SYNRG: variants seen among roughly 807,000 people sequenced by gnomAD.
The protein encoded by SYNRG is AP1 gamma subunit binding protein 1.
In SYNRG, 37 loss-of-function variants were observed where a neutral mutation model predicts 130.9. The ratio of observed to expected loss-of-function variants is 0.28; its 90% CI spans 0.22 to 0.37. The LOEUF is 0.37. Ranked by LOEUF, SYNRG falls within the 10% of genes least tolerant of loss-of-function variation. SYNRG has a pLI of 1.00. For missense variants in SYNRG, 1,338 were observed against 1,588.9 expected (o/e 0.84, Z 2.68); for synonymous variants, 539 against 568.1 (o/e 0.95, Z 0.73).
intron 17 of SYNRG, 41 bp downstream of exon 17, chr17:37,539,151 G>A: frequency 5.0e-6 from 8 of 1,607,822 alleles, no homozygotes; most frequent in Non-Finnish European, 6.8e-6. Flanking sequence ...AGGCACAAAA[G>A]AGCACTCACA....
Position 37,568,793 on chromosome 17 carries a change from G to T in SYNRG, c.1479C>A (p.Asn493Lys). 2.5e-6 allele frequency: 4 copies of T among 1,613,710 alleles called. No homozygotes were observed. Among genetic ancestry groups the T allele is most frequent in the Middle Eastern group, 1.7e-4 (1 of 6,056 alleles). The stretch of plus-strand genomic sequence containing the variant: ...AAATATATTAAACTCTTTTCTACCT[G>T]TTTCCATGCTGGGAGTTACTTGTTT... ...SSKTSNSQHG[N>K]SAPSLLMPLP... The change falls in exon 11 of 22, where the codon AAC becomes AAA. Residue 493 changes from asparagine (N) to lysine (K), a missense_variant and splice_region_variant. Around this residue, in one of 3 missense-constraint regions of SYNRG, gnomAD observed 1,146 missense variants for 1,342.3 expected, o/e 0.85. Coordinates refer to ENST00000612223, the MANE Select transcript of SYNRG (RefSeq NM_007247.6).
Position 37,568,932 on chromosome 17 carries a change from T to C in SYNRG, c.1348-8A>G. On this transcript the variant is annotated splice_polypyrimidine_tract_variant and splice_region_variant and intron_variant, in intron 10 of 21. Transcript: ENST00000612223. ...TTCTTCTGGCTTTACTACCTAGGTT[T>C]ATAAAGGTCATTTAAATAAATAGCA... is the stretch of plus-strand genomic sequence containing the variant. 6.2e-7 allele frequency: 1 copy of C among 1,606,970 alleles called. No individual in the cohort carries two copies. Among genetic ancestry groups the C allele is most frequent in the South Asian group, 1.1e-5 (1 of 89,360 alleles).
At chr17:37,575,978 A>G (rs899910575) in intron 8 of SYNRG, among the ~76,000 whole-genome samples, 3 of 152,182 alleles carry the variant, frequency 2.0e-5, no homozygotes, top group African/African-American at 7.2e-5. Flanking sequence ...ATATAAACTA[A>G]GAATTCAGAA....
At chr17:37,554,117 C>T in intron 13 of SYNRG, 58 bp from the exon 14 acceptor site, 1 of 1,482,232 alleles carries the variant, frequency 6.7e-7, no homozygotes. Context: ...CCATATAATA[C>T]ACAGTATATT....
intron 11 of SYNRG, among the ~76,000 whole-genome samples, chr17:37,566,155 G>C (rs923467622): frequency 3.4e-4 from 52 of 152,064 alleles, no homozygotes; most frequent in Admixed American, 5.9e-4. Flanking sequence ...TCATTGAGAA[G>C]GGGCCAGGAT....
chr17:37,578,067 C>G (rs944290223), intron 6 of SYNRG, among the ~76,000 whole-genome samples: 4 of 151,868 alleles, frequency 2.6e-5, no homozygotes, highest in Admixed American at 2.0e-4. Flanking sequence ...CACCATGGCT[C>G]AAGCCTGTAA....
chr17:37,558,719 C>A (rs1273381271), intron 13 of SYNRG, among the ~76,000 whole-genome samples: 2 of 152,176 alleles, frequency 1.3e-5, no homozygotes, highest in Non-Finnish European at 2.9e-5. Flanking sequence ...ACTGATCACT[C>A]ATTCTTACTG....
At chr17:37,558,520 C>G (rs1242841780) in intron 13 of SYNRG, among the ~76,000 whole-genome samples, 2 of 152,176 alleles carry the variant, frequency 1.3e-5, no homozygotes. Context: ...ACAAACATAA[C>G]TTTCAGTTTT....
intron 13 of SYNRG, among the ~76,000 whole-genome samples, chr17:37,559,472 C>T (rs919786929): frequency 2.0e-5 from 3 of 152,126 alleles, no homozygotes; most frequent in Non-Finnish European, 4.4e-5. Context: ...GGCAGATCAC[C>T]TGAGGTCAGG....
At chr17:37,528,423 C>T (rs1167298417) in intron 19 of SYNRG, among the ~76,000 whole-genome samples, 1 of 152,056 alleles carries the variant, frequency 6.6e-6, no homozygotes, top group Non-Finnish European at 1.5e-5. Flanking sequence ...TCGGCAGGCC[C>T]TAGGTGCAAA....
chr17:37,607,583 G>A (rs1436401865), intron 1 of SYNRG, among the ~76,000 whole-genome samples: 2 of 152,296 alleles, frequency 1.3e-5, no homozygotes, highest in Middle Eastern at 3.4e-3. Context: ...GAGGCCAGGA[G>A]TTTGAGACCA....
intron 3 of SYNRG, among the ~76,000 whole-genome samples, chr17:37,590,875 G>A (rs144189334): frequency 1.3e-5 from 2 of 152,214 alleles, no homozygotes; most frequent in East Asian, 1.9e-4. Flanking sequence ...AGTCGAGATC[G>A]CGCCACTGCA....
rs1368034581 is a variant in SYNRG at position 37,553,397 on chromosome 17, AATC to A, written c.2323_2325del (p.Asp775del). ...AATTTACTGGAGTGGAAGTCAGCAA[AATC>A]ATCATCACTTTTTCCTGAAGGAGTG... On this transcript the variant is annotated inframe_deletion, in exon 14 of 22. Transcript: ENST00000612223. 6.2e-7 allele frequency: 1 copy of A among 1,614,152 alleles called. No individual in the cohort carries two copies. The highest frequency in any genetic ancestry group is 1.7e-5 in the Admixed American group (1 of 60,018).
Position 37,576,321 on chromosome 17 carries a change from G to T in SYNRG, c.901+20C>A. ...ACCAAAATATCCAGATGGGAATCCT[G>T]GGTAAAGAAGCTTTTTTACCTGGAA... On this transcript the variant is annotated intron_variant, in intron 8 of 21. Coordinates refer to ENST00000612223, the MANE Select transcript of SYNRG (RefSeq NM_007247.6). The T allele has an allele frequency of 6.2e-7, 1 of 1,608,640 alleles. No homozygotes were observed. Among genetic ancestry groups the T allele is most frequent in the Non-Finnish European group, 8.5e-7 (1 of 1,175,726 alleles).
At chr17:37,588,258 C>CTTTTT (rs35767898) in intron 3 of SYNRG, among the ~76,000 whole-genome samples, 9 of 103,198 alleles carry the variant, frequency 8.7e-5, no homozygotes, top group African/African-American at 1.5e-4. Context: ...ACTTTAAATT[C>CTTTTT]TTTTTTTTTT....
chr17:37,572,433 A>G (rs370210520), intron 8 of SYNRG, among the ~76,000 whole-genome samples: 4 of 152,208 alleles, frequency 2.6e-5, no homozygotes, highest in South Asian at 4.1e-4. Flanking sequence ...TCCGTTTCAA[A>G]AAAAAAAAGA....
At chr17:37,594,459 C>CTTT (rs1413482052) in intron 3 of SYNRG, among the ~76,000 whole-genome samples, 5 of 137,738 alleles carry the variant, frequency 3.6e-5, no homozygotes, top group Non-Finnish European at 4.7e-5. Context: ...TGCCTTTCTT[C>CTTT]TTCTTTTTTT....
At chr17:37,566,381 T>G (rs1380097459) in intron 11 of SYNRG, among the ~76,000 whole-genome samples, 1 of 146,420 alleles carries the variant, frequency 6.8e-6, no homozygotes, top group African/African-American at 2.6e-5. Flanking sequence ...CACTCAGGGT[T>G]AAATGGATTA....
intron 8 of SYNRG, among the ~76,000 whole-genome samples, chr17:37,572,194 A>G (rs986452335): frequency 3.9e-5 from 6 of 152,182 alleles, no homozygotes; most frequent in Non-Finnish European, 7.3e-5. Flanking sequence ...TGGGAGGCCA[A>G]GGCCAGCAGA....
Sources: allele counts gnomAD v4.1 joint callset (sites outside exome capture counted in the v4.1 genomes callset), GRCh38; gene constraint gnomAD v4.1.1; regional missense constraint gnomAD v4.1.1; transcripts MANE v1.5; gene names NCBI Gene and HGNC (gene_info 2026-07-23, HGNC 2026-07-21).